Variants in ARHGAP6 observed in about 807,000 individuals in gnomAD.
ARHGAP6 encodes Rho GTPase activating protein 6.
In ARHGAP6, 16 loss-of-function variants were observed where a neutral mutation model predicts 55.7. That is an observed-to-expected ratio of 0.29 (90% CI 0.19 to 0.44). The LOEUF (loss-of-function observed/expected upper bound fraction) is 0.44, where lower values mean the gene tolerates loss of function less well. ARHGAP6 is among the 20% of genes least tolerant of loss of function. The pLI is 1.00. For synonymous variants in ARHGAP6, 382 were observed against 360.9 expected (o/e 1.06, Z -0.66); for missense variants, 698 against 808.9 (o/e 0.86, Z 1.66).
rs748938328 is a variant in ARHGAP6 at position 11,248,156 on chromosome X, T to G, written c.748+6392A>C. Among the ~76,000 whole-genome samples, 3 of 111,894 alleles carry G rather than the reference T, an allele frequency of 2.7e-5. No homozygotes were observed. The East Asian group carries it at 8.4e-4, about 31-fold the overall frequency. On this transcript the variant is annotated intron_variant, in intron 2 of 12. Coordinates refer to ENST00000337414, the MANE Select transcript of ARHGAP6 (RefSeq NM_013427.3). ...TATACAGGAGGGAGGAGCCACAAGA[T>G]GCAAGAAGCCTGGGTCCCTGAATAA...
intron 1 of ARHGAP6, among the ~76,000 whole-genome samples, chrX:11,396,882 T>A (rs2147746111): frequency 9.0e-6 from 1 of 111,708 alleles, no homozygotes; most frequent in South Asian, 3.8e-4. Context: ...TAATGAGAGA[T>A]CCTCTAGGCA....
intron 1 of ARHGAP6, among the ~76,000 whole-genome samples, chrX:11,581,803 G>A (rs2051669792): frequency 9.0e-6 from 1 of 110,606 alleles, no homozygotes; most frequent in Non-Finnish European, 1.9e-5. Context: ...TATTGGGTAT[G>A]AGGTTCCTTT....
intron 1 of ARHGAP6, among the ~76,000 whole-genome samples, chrX:11,486,226 CCAAA>C (rs1174809980): frequency 1.8e-5 from 2 of 111,364 alleles, no homozygotes; most frequent in East Asian, 2.8e-4. Flanking sequence ...GTAGAAAACC[CCAAA>C]CAATCATTGG....
intron 1 of ARHGAP6, among the ~76,000 whole-genome samples, chrX:11,260,032 A>G (rs1162338540): frequency 9.0e-6 from 1 of 111,288 alleles, no homozygotes; most frequent in Non-Finnish European, 1.9e-5. Context: ...TCACAAGGAG[A>G]GAGGTAGAGG....
chrX:11,387,575 T>C (rs2049344110), intron 1 of ARHGAP6, among the ~76,000 whole-genome samples: 1 of 111,986 alleles, frequency 8.9e-6, no homozygotes, highest in Non-Finnish European at 1.9e-5. Context: ...TATTATCCTT[T>C]AAGTTTTAGA....
intron 1 of ARHGAP6, among the ~76,000 whole-genome samples, chrX:11,425,791 G>T (rs2049872424): frequency 8.9e-6 from 1 of 111,930 alleles, no homozygotes; most frequent in African/African-American, 3.3e-5. Context: ...TTCATTGAAT[G>T]AATAGATTTT....
At chrX:11,437,142 G>A (rs2049995062) in intron 1 of ARHGAP6, among the ~76,000 whole-genome samples, 2 of 111,572 alleles carry the variant, frequency 1.8e-5, no homozygotes, top group South Asian at 7.6e-4. Context: ...AATCTAGATG[G>A]AAGGCAACAG....
At chrX:11,531,599 T>C (rs1042952862) in intron 1 of ARHGAP6, among the ~76,000 whole-genome samples, 1 of 107,252 alleles carries the variant, frequency 9.3e-6, no homozygotes, top group African/African-American at 3.3e-5. Flanking sequence ...AGGGGGTTCT[T>C]TTTTTTTTTG....
At chrX:11,542,540 G>C (rs1199490124) in intron 1 of ARHGAP6, among the ~76,000 whole-genome samples, 1 of 110,802 alleles carries the variant, frequency 9.0e-6, no homozygotes, top group Non-Finnish European at 1.9e-5. Flanking sequence ...GGTGGGGAGA[G>C]GGAGTGGTCA....
chrX:11,552,729 C>T (rs5978439), intron 1 of ARHGAP6, among the ~76,000 whole-genome samples: 23,218 of 103,221 alleles, frequency 0.22, 2,177 homozygotes, highest in African/African-American at 0.28. Context: ...AGGCACAGAA[C>T]GACAAATGCC....
intron 1 of ARHGAP6, among the ~76,000 whole-genome samples, chrX:11,463,344 T>C (rs1019566230): frequency 8.9e-6 from 1 of 111,864 alleles, no homozygotes; most frequent in African/African-American, 3.3e-5. Flanking sequence ...GTTCTTTCAT[T>C]TGTTTGTTTG....
rs749966631 is a variant in ARHGAP6 at position 11,138,541 on chromosome X, G to A, written c.*322C>T. 1.1e-3 allele frequency: 320 copies of A among 292,905 alleles called. 2 individuals are homozygous for A. In the East Asian group the frequency reaches 0.014, roughly 13 times the overall value. The allele number at this position is 292,905 out of a possible 1,213,427, so 24.1% of individuals were successfully genotyped here. A position where few individuals can be genotyped will look rare whatever the true frequency, so the allele number is the denominator to read the frequency against. Reference sequence around the variant, plus strand: ...TACAGAATACACAATAGTCAAAACCGAAGACACATAAATACGGTTAGGCTA... The same window carrying A: ...TACAGAATACACAATAGTCAAAACCAAAGACACATAAATACGGTTAGGCTA... On this transcript the variant is annotated 3_prime_UTR_variant, in exon 13 of 13. Coordinates refer to ENST00000337414, the MANE Select transcript of ARHGAP6 (RefSeq NM_013427.3).
intron 1 of ARHGAP6, among the ~76,000 whole-genome samples, chrX:11,614,349 C>A (rs2052138068): frequency 9.0e-6 from 1 of 111,725 alleles, no homozygotes; most frequent in Admixed American, 9.5e-5. Flanking sequence ...AGTTCCACAG[C>A]CTGTACAGGA....
chrX:11,419,181 G>A (rs1395023149), intron 1 of ARHGAP6, among the ~76,000 whole-genome samples: 1 of 112,343 alleles, frequency 8.9e-6, no homozygotes, highest in African/African-American at 3.2e-5. Flanking sequence ...CTCTGGTAAC[G>A]CTGGTCCCTC....
At chrX:11,197,930 C>T (rs2046563875) in intron 2 of ARHGAP6, among the ~76,000 whole-genome samples, 1 of 111,269 alleles carries the variant, frequency 9.0e-6, no homozygotes, top group South Asian at 3.8e-4. Context: ...ACACTGTGAT[C>T]AAATAGGGGA....
At chrX:11,149,464 G>T (rs930064427) in intron 10 of ARHGAP6, among the ~76,000 whole-genome samples, 7 of 110,340 alleles carry the variant, frequency 6.3e-5, no homozygotes, top group Admixed American at 2.9e-4. Flanking sequence ...TATGTGTGTT[G>T]GGGGAGGGGG....
chrX:11,432,053 T>C (rs1176858156), intron 1 of ARHGAP6, among the ~76,000 whole-genome samples: 4 of 112,299 alleles, frequency 3.6e-5, no homozygotes, highest in Admixed American at 9.4e-5. Context: ...CAACCAAAGA[T>C]GACTCTAGAT....
chrX:11,648,614 C>T (rs1328150626), intron 1 of ARHGAP6, among the ~76,000 whole-genome samples: 2 of 111,928 alleles, frequency 1.8e-5, no homozygotes, highest in African/African-American at 6.5e-5. Context: ...CCCCTTATAG[C>T]TTGTGTACCC....
intron 3 of ARHGAP6, among the ~76,000 whole-genome samples, chrX:11,195,959 CAAA>C (rs1024986729): frequency 2.4e-4 from 2 of 8,413 alleles, no homozygotes; most frequent in Non-Finnish European, 5.0e-4. Flanking sequence ...ACTAAAAATA[CAAA>C]AAAAAAAAAA....
Sources: gnomAD v4.1 joint callset for allele counts (sites outside exome capture counted in the v4.1 genomes callset) on GRCh38, gnomAD v4.1.1 for gene constraint, MANE v1.5 for transcripts, NCBI Gene and HGNC (gene_info 2026-07-23, HGNC 2026-07-21) for gene names.